The following RIC1 variants were observed in gnomAD, a reference collection of about 807,000 sequenced individuals.
RIC1 encodes the protein RIC1 partner of RAB6A GEF complex.
RIC1 carries 88 observed loss-of-function variants against 169.0 expected under a neutral mutation model. The ratio of observed to expected loss-of-function variants is 0.52; its 90% CI spans 0.44 to 0.62. RIC1 has a LOEUF of 0.62. Ranked by LOEUF, RIC1 falls within the 20% of genes least tolerant of loss-of-function variation. The pLI is 0.00. For missense variants in RIC1, 1,877 were observed against 1,725.5 expected, an observed-to-expected ratio of 1.09 and a Z score of -1.56; for synonymous variants, 790 against 601.5, an observed-to-expected ratio of 1.31 and a Z score of -4.59.
At chr9:5,764,522 T>G (rs1389024171) in intron 19 of RIC1, among the ~76,000 whole-genome samples, 1 of 152,226 alleles carries the variant, frequency 6.6e-6, no homozygotes, top group African/African-American at 2.4e-5. Context: ...AAAGATTCTT[T>G]CCAGTTACTG....
intron 3 of RIC1, among the ~76,000 whole-genome samples, chr9:5,701,121 G>C (rs2130771454): frequency 6.6e-6 from 1 of 152,226 alleles, no homozygotes; most frequent in Admixed American, 6.5e-5. Context: ...ACAATAACTT[G>C]TTATCACCCA....
chr9:5,674,110 G>C (rs771168272), intron 2 of RIC1, among the ~76,000 whole-genome samples: 28 of 152,042 alleles, frequency 1.8e-4, no homozygotes, highest in Non-Finnish European at 3.5e-4. Context: ...AAATATAAGA[G>C]TTTGTGCAAA....
chr9:5,747,582 A>T, intron 12 of RIC1, 77 bp downstream of exon 12: 1 of 1,299,990 alleles, frequency 7.7e-7, no homozygotes, highest in African/African-American at 1.5e-5. Flanking sequence ...TAAATATTTC[A>T]TCTGTTAACT....
At chr9:5,707,456 G>A (rs1037444298) in intron 3 of RIC1, among the ~76,000 whole-genome samples, 24 of 152,004 alleles carry the variant, frequency 1.6e-4, no homozygotes, top group African/African-American at 5.8e-4. Flanking sequence ...ATCCATTATT[G>A]AAAGTGGGGT....
At chr9:5,768,926 C>A in intron 21 of RIC1, 44 bp from the exon 22 acceptor site, 2 of 1,556,124 alleles carry the variant, frequency 1.3e-6, no homozygotes, top group Non-Finnish European at 1.7e-6. Flanking sequence ...GTGAAATCCT[C>A]CAGTAAAGAT....
In RIC1 at chr9:5,763,186, T is replaced by C. The variant is rs776525360; in HGVS notation, c.2159T>C (p.Val720Ala). The C allele has an allele frequency of 1.2e-6, 2 of 1,614,110 alleles. No individual in the cohort carries two copies. The highest frequency in any genetic ancestry group is 1.3e-5 in the African/African-American group (1 of 75,022). ...GTACTAGCCCAGTCTGTTGAAAATG[T>C]CTGGACAACGTGTCGAGCAAATAAA... Reference protein sequence around the residue: ...PVVLAQSVENVWTTCRANKQK... With the variant: ...PVVLAQSVENAWTTCRANKQK... The change falls in exon 19 of 26, where the codon GTC (valine) becomes GCC (alanine). Residue 720 changes from valine to alanine, a missense_variant. By Grantham distance (64) the Val-to-Ala change is moderately conservative (BLOSUM62 0). Transcript: ENST00000414202. This position sits in a 1 kb window ranked among gnomAD's most constrained non-coding sequence, Gnocchi z 5.2.
intron 1 of RIC1, among the ~76,000 whole-genome samples, chr9:5,633,638 A>G (rs1817828724): frequency 6.6e-6 from 1 of 152,082 alleles, no homozygotes; most frequent in Non-Finnish European, 1.5e-5. Flanking sequence ...GTGCTGTGCG[A>G]TACTTAGATC....
intron 2 of RIC1, among the ~76,000 whole-genome samples, chr9:5,681,800 G>C (rs1820858744): frequency 6.6e-6 from 1 of 152,176 alleles, no homozygotes; most frequent in Non-Finnish European, 1.5e-5. Flanking sequence ...AGGTCAGCAA[G>C]GACTTGCTTT....
chr9:5,682,808 A>G (rs867043842), intron 2 of RIC1, among the ~76,000 whole-genome samples: 4 of 152,304 alleles, frequency 2.6e-5, no homozygotes, highest in South Asian at 4.2e-4. Context: ...CACCAATCAG[A>G]CATAGATTTT....
intron 9 of RIC1, 86 bp from the exon 10 acceptor site, chr9:5,743,603 G>T: frequency 1.8e-6 from 2 of 1,086,094 alleles, no homozygotes; most frequent in East Asian, 2.4e-5. Context: ...AGCAAAATCC[G>T]TTTGATTTTT....
rs758082280 is a variant in RIC1, at chr9:5,763,257, G to A, written c.2230G>A (p.Ala744Thr). ...GGCCCTCTGGCTGAGCTGTGGTGGT[G>A]CAGGGATGAAAGTTTGGCTCCCTCT... ...LEALWLSCGGAGMKVWLPLFP... is the reference protein window; with the variant it reads ...LEALWLSCGGTGMKVWLPLFP... The change falls in exon 19 of 26, where the codon GCA becomes ACA. Residue 744 changes from alanine (A) to threonine (T), a missense_variant. Transcript: ENST00000414202. This position sits in a 1 kb window ranked among gnomAD's most constrained non-coding sequence, Gnocchi z 5.2. The A allele has an allele frequency of 6.2e-6, 10 of 1,614,146 alleles. No homozygotes were observed. The South Asian group carries it at 9.9e-5, about 16-fold the overall frequency.
chr9:5,770,070 TCGGACC>T lies in RIC1; in HGVS notation c.3425-15_3425-10del. Reference sequence around the variant, plus strand: ...CAATTTCTTCCTCCATTTTTTGTTTTCGGACCCACTCTGCAGTGGGAGAGCAGCTGT... The same window carrying T: ...CAATTTCTTCCTCCATTTTTTGTTTTCACTCTGCAGTGGGAGAGCAGCTGT... On this transcript the variant is annotated splice_polypyrimidine_tract_variant and intron_variant, in intron 22 of 25. Transcript: ENST00000414202. 4 of 1,585,568 alleles carry T rather than the reference TCGGACC, an allele frequency of 2.5e-6. No individual in the cohort carries two copies. The highest frequency in any genetic ancestry group is 2.7e-5 in the African/African-American group (2 of 73,888).
chr9:5,643,160 A>C (rs1457274203), intron 1 of RIC1, among the ~76,000 whole-genome samples: 1 of 152,092 alleles, frequency 6.6e-6, no homozygotes, highest in East Asian at 1.9e-4. Flanking sequence ...TAAAAAAATC[A>C]GCTGGCCATG....
At chr9:5,743,833 C>G in intron 10 of RIC1, 96 bp downstream of exon 10, 1 of 918,844 alleles carries the variant, frequency 1.1e-6, no homozygotes, top group East Asian at 2.5e-5. Flanking sequence ...TTTTTTGAGA[C>G]AGGGTCTTAC....
chr9:5,633,183 A>G (rs556190860), intron 1 of RIC1, among the ~76,000 whole-genome samples: 2 of 152,330 alleles, frequency 1.3e-5, no homozygotes, highest in Non-Finnish European at 2.9e-5. Flanking sequence ...TGTGCTAATC[A>G]TGGAAAAAAA....
chr9:5,636,684 T>A (rs1817987547), intron 1 of RIC1, among the ~76,000 whole-genome samples: 1 of 152,224 alleles, frequency 6.6e-6, no homozygotes, highest in African/African-American at 2.4e-5. Flanking sequence ...TATTCTTGTA[T>A]ATTGATTTTA....
chr9:5,743,629 T>G, intron 9 of RIC1, 60 bp from the exon 10 acceptor site: 1 of 1,304,234 alleles, frequency 7.7e-7, no homozygotes. Flanking sequence ...AACACTAAAT[T>G]TTATGTGTAT....
intron 17 of RIC1, 129 bp downstream of exon 17, chr9:5,757,580 G>C: frequency 5.6e-6 from 5 of 886,542 alleles, no homozygotes; most frequent in Admixed American, 2.8e-5. Flanking sequence ...GAGAATGCTG[G>C]GTTGCAGTGG....
At chr9:5,703,399 C>G (rs1822357374) in intron 3 of RIC1, among the ~76,000 whole-genome samples, 1 of 152,156 alleles carries the variant, frequency 6.6e-6, no homozygotes, top group Non-Finnish European at 1.5e-5. Flanking sequence ...GTGTTTTGTA[C>G]AACTATCACA....
Sources: gnomAD v4.1 joint callset for allele counts (sites outside exome capture counted in the v4.1 genomes callset) on GRCh38, gnomAD v4.1.1 for gene constraint, Gnocchi (gnomAD v3.1) non-coding constraint, MANE v1.5 for transcripts, NCBI Gene and HGNC (gene_info 2026-07-23, HGNC 2026-07-21) for gene names.